The following STARD13 variants were observed in gnomAD, a reference collection of about 807,000 sequenced individuals.
STARD13 encodes the protein StAR related lipid transfer domain containing 13.
Under a neutral mutation model 106.4 loss-of-function variants are expected in STARD13, and 62 were observed. The ratio of observed to expected loss-of-function variants is 0.58; its 90% confidence interval spans 0.48 to 0.72. The LOEUF is 0.72. STARD13 is among the 30% of genes least tolerant of loss of function. The probability of loss-of-function intolerance (pLI) is 0.00; values close to 1 mark genes in which losing one functional copy is unlikely to be tolerated. For missense variants in STARD13, 1,387 were observed against 1,424.0 expected (o/e 0.97, Z 0.42); for synonymous variants, 565 against 553.0 (o/e 1.02, Z -0.31).
chr13:33,467,916 T>C, the STARD13 span, among the ~76,000 whole-genome samples: 2 of 152,250 alleles, frequency 1.3e-5, no homozygotes, highest in Non-Finnish European at 2.9e-5. Flanking sequence ...TCCAGTCACA[T>C]TTTGGGAAAT....
At chr13:33,404,207 A>T in the STARD13 span, among the ~76,000 whole-genome samples, 2 of 152,232 alleles carry the variant, frequency 1.3e-5, no homozygotes, top group East Asian at 3.8e-4. Context: ...GGTATTACAA[A>T]GGACATCTTG....
intron 3 of STARD13, among the ~76,000 whole-genome samples, chr13:33,153,978 G>A (rs1247977378): frequency 6.6e-6 from 1 of 152,212 alleles, no homozygotes; most frequent in African/African-American, 2.4e-5. Context: ...AAGTCAGGGA[G>A]CAGCTCCTCC....
At chr13:33,478,505 T>G in the STARD13 span, among the ~76,000 whole-genome samples, 35 of 152,368 alleles carry the variant, frequency 2.3e-4, no homozygotes, top group African/African-American at 7.9e-4. Context: ...ATATAAATTC[T>G]GGTGTATTAT....
chr13:33,127,516 C>G lies in STARD13; in HGVS notation c.1779G>C (p.Ser593=). 1.3e-6 allele frequency: 2 copies of G among 1,565,096 alleles called. No homozygotes were observed. Among genetic ancestry groups the G allele is most frequent in the Non-Finnish European group, 1.7e-6 (2 of 1,162,736 alleles). Reference sequence around the variant, plus strand: ...ATGCTGGGGCCGGCCGGGGCTGGTGCGACAGCTGGAAACTGTTCCATCGGA... The same window carrying G: ...ATGCTGGGGCCGGCCGGGGCTGGTGGGACAGCTGGAAACTGTTCCATCGGA... The part of the protein sequence containing the change: ...RRLRWNSFQL[S]HQPRPAPASP... The change falls in exon 6 of 14, where the codon TCG becomes TCC. Residue 593 remains serine (S), a synonymous_variant. Transcript: ENST00000336934.
rs1885136554 is a variant in STARD13, at chr13:33,180,588, G to A, written c.170-12966C>T. ...GGACTAATGACTGGGAGAAGTTGTG[G>A]GTTAATGTGGAGTCCAAGGTCATTG... On this transcript the variant is annotated intron_variant, in intron 1 of 13. Coordinates refer to ENST00000336934, the MANE Select transcript of STARD13 (RefSeq NM_178006.4). 4 of 152,176 alleles carry A rather than the reference G, an allele frequency of 2.6e-5. No individual in the cohort carries two copies. The South Asian group carries it at 8.3e-4, about 32-fold the overall frequency. The allele number at this position is 152,176 out of a possible 1,614,324, so 9.4% of individuals were successfully genotyped here.
At chr13:33,608,136 G>A in the STARD13 span, among the ~76,000 whole-genome samples, 1 of 152,158 alleles carries the variant, frequency 6.6e-6, no homozygotes, top group Admixed American at 6.5e-5. Flanking sequence ...GGAACTCCAG[G>A]CCTCAAGTTA....
the STARD13 span, among the ~76,000 whole-genome samples, chr13:33,580,273 C>G: frequency 6.6e-6 from 1 of 151,674 alleles, no homozygotes; most frequent in East Asian, 1.9e-4. Flanking sequence ...TACATACTGC[C>G]GAGTGAAAAA....
At chr13:33,252,993 C>T (rs1430193884) in intron 1 of STARD13, among the ~76,000 whole-genome samples, 4 of 151,764 alleles carry the variant, frequency 2.6e-5, no homozygotes, top group South Asian at 4.1e-4. Flanking sequence ...AGTCATTTTC[C>T]GTTTTTTGGA....
chr13:33,306,266 C>T lies in STARD13; in HGVS notation c.124+44024G>A, dbSNP rs111438961. Among the ~76,000 whole-genome samples the T allele has an allele frequency of 2.4e-3, 366 of 152,288 alleles. 1 individual carries two copies. The highest frequency in any genetic ancestry group is 8.4e-3 in the African/African-American group (351 of 41,564). ...TAATAAATGGTGCTGGGAAAAGTGA[C>T]TAGCTATACGCAGAAAATTAATACT... On this transcript the variant is annotated intron_variant, in intron 1 of 5. Transcript: ENST00000567873.
intron 1 of STARD13, among the ~76,000 whole-genome samples, chr13:33,257,753 A>T (rs1171474136): frequency 6.6e-6 from 1 of 152,228 alleles, no homozygotes; most frequent in Non-Finnish European, 1.5e-5. Flanking sequence ...GTTGGTTATT[A>T]TTATTTGTTT....
chr13:33,499,152 CAAACAAAAACAA>C, the STARD13 span, among the ~76,000 whole-genome samples: 5 of 151,970 alleles, frequency 3.3e-5, no homozygotes, highest in African/African-American at 1.2e-4. Flanking sequence ...AACAAACAAA[CAAACAAAAACAA>C]AAACAAAAAC....
chr13:33,406,205 A>G, the STARD13 span, among the ~76,000 whole-genome samples: 1 of 152,238 alleles, frequency 6.6e-6, no homozygotes, highest in African/African-American at 2.4e-5. Context: ...TAAGGCTAAC[A>G]AGGGCTTTCT....
At chr13:33,495,828 T>C in the STARD13 span, among the ~76,000 whole-genome samples, 1 of 144,958 alleles carries the variant, frequency 6.9e-6, no homozygotes, top group African/African-American at 2.6e-5. Flanking sequence ...ATAATTAATA[T>C]TATACAATTA....
intron 3 of STARD13, among the ~76,000 whole-genome samples, chr13:33,160,167 T>C (rs73467837): frequency 0.15 from 22,788 of 152,092 alleles, 2,324 homozygotes; most frequent in African/African-American, 0.28. Context: ...GAAATAGACT[T>C]ATACATACAT....
chr13:33,311,545 TAGG>T (rs1893139117), intron 1 of STARD13, among the ~76,000 whole-genome samples: 1 of 152,242 alleles, frequency 6.6e-6, no homozygotes, highest in South Asian at 2.1e-4. Flanking sequence ...AAAATGCAGA[TAGG>T]AGATGTTTAC....
chr13:33,565,998 T>TA, the STARD13 span, among the ~76,000 whole-genome samples: 7 of 148,670 alleles, frequency 4.7e-5, no homozygotes, highest in African/African-American at 1.7e-4. Flanking sequence ...CAGTTTCAGT[T>TA]ACCTGTGGTC....
At chr13:33,410,799 T>G in the STARD13 span, among the ~76,000 whole-genome samples, 2 of 152,186 alleles carry the variant, frequency 1.3e-5, no homozygotes, top group Admixed American at 1.3e-4. Context: ...TGGCAGACAA[T>G]CTCTGCAGTC....
the STARD13 span, among the ~76,000 whole-genome samples, chr13:33,610,466 G>A: frequency 6.6e-6 from 1 of 152,202 alleles, no homozygotes; most frequent in Non-Finnish European, 1.5e-5. Flanking sequence ...TGGACTCCCT[G>A]GGCACAGCAC....
the STARD13 span, among the ~76,000 whole-genome samples, chr13:33,644,657 G>C: frequency 6.6e-6 from 1 of 152,120 alleles, no homozygotes; most frequent in Non-Finnish European, 1.5e-5. Context: ...TCTACTTCCA[G>C]CTGTTCTTCC....
Sources: gnomAD v4.1 joint callset for allele counts (sites outside exome capture counted in the v4.1 genomes callset) on GRCh38, gnomAD v4.1.1 for gene constraint, MANE v1.5 for transcripts, NCBI Gene and HGNC (gene_info 2026-07-23, HGNC 2026-07-21) for gene names.